Variants in CBX7 observed in about 807,000 individuals in gnomAD.
CBX7 encodes chromobox 7.
In CBX7, 14 loss-of-function variants were observed where a neutral mutation model predicts 31.4. The observed-to-expected ratio is 0.45, with a 90% CI of 0.29 to 0.70. CBX7 has a LOEUF of 0.70. Among genes scored for constraint, CBX7 ranks in the 30% least tolerant of loss-of-function variants. CBX7 has a pLI of 0.11. For synonymous variants in CBX7, 159 were observed against 152.6 expected (o/e 1.04, Z -0.31); for missense variants, 269 against 351.9 (o/e 0.76, Z 1.89).
chr22:39,134,716 C>G lies in CBX7; in HGVS notation c.283G>C (p.Ala95Pro), dbSNP rs1158617720. ...YSMDLRSSHK[A>P]KGKEKLCFSL... ...AAGCAGAGCTTCTCCTTGCCCTTGGCCTTGTGGGAGCTCCGCAGGTCCATG... is the reference window on the plus strand; with the variant it reads ...AAGCAGAGCTTCTCCTTGCCCTTGGGCTTGTGGGAGCTCCGCAGGTCCATG... Residue 95 changes from alanine (A) to proline (P), a missense_variant, in exon 5 of 6, where the codon GCC (alanine) becomes CCC (proline). Physicochemically the swap from Ala to Pro is conservative, Grantham distance 27. This residue lies in a region of CBX7 where 222 missense variants were observed against 240.4 expected (regional missense o/e 0.92). Coordinates refer to ENST00000216133, the MANE Select transcript of CBX7 (RefSeq NM_175709.5). 1.3e-6 allele frequency: 2 copies of G among 1,568,410 alleles called. No homozygotes were observed. Among genetic ancestry groups the G allele is most frequent in the Non-Finnish European group, 1.7e-6 (2 of 1,155,090 alleles).
chr22:39,134,833 C>A, intron 4 of CBX7, 81 bp from the exon 5 acceptor site: 1 of 905,714 alleles, frequency 1.1e-6, no homozygotes, highest in Non-Finnish European at 1.6e-6. Flanking sequence ...TCCTCCCACC[C>A]GGAATGCCCT....
chr22:39,139,120 T>G (rs1343963205), intron 3 of CBX7, among the ~76,000 whole-genome samples: 3 of 152,082 alleles, frequency 2.0e-5, no homozygotes, highest in Non-Finnish European at 4.4e-5. Flanking sequence ...TGGGAATGGC[T>G]AGTCCCTCTG....
At chr22:39,135,100 G>A (rs1457158685) in intron 4 of CBX7, 4 of 245,062 alleles carry the variant, frequency 1.6e-5, no homozygotes, top group Non-Finnish European at 2.4e-5. Context: ...TTCGTTTTAG[G>A]AAAGGCATCT....
intron 2 of CBX7, 143 bp downstream of exon 2, chr22:39,149,646 G>T: frequency 1.4e-6 from 1 of 731,934 alleles, no homozygotes. Flanking sequence ...GCCCAGAGAA[G>T]ATGATGATTA....
intron 1 of CBX7, among the ~76,000 whole-genome samples, chr22:39,151,397 A>T (rs963337325): frequency 2.0e-5 from 3 of 152,168 alleles, no homozygotes; most frequent in Admixed American, 1.3e-4. Context: ...GCTGCCAATC[A>T]GCCCAGTTGA....
intron 2 of CBX7, chr22:39,147,605 T>G (rs1442888588): frequency 6.7e-6 from 1 of 148,604 alleles, no homozygotes. Flanking sequence ...GCTCCCCTGC[T>G]TCTCCCCCAG....
chr22:39,145,125 C>T (rs1469502482), intron 2 of CBX7, among the ~76,000 whole-genome samples: 1 of 152,208 alleles, frequency 6.6e-6, no homozygotes, highest in African/African-American at 2.4e-5. Context: ...CCCCGAAAGG[C>T]TCGGCTGGAT....
At chr22:39,136,369 T>G (rs1287381091) in intron 4 of CBX7, 1 of 152,334 alleles carries the variant, frequency 6.6e-6, no homozygotes, top group Non-Finnish European at 1.5e-5. Flanking sequence ...CCACACCCAG[T>G]GCTGTGTTGT....
intron 4 of CBX7, chr22:39,136,215 A>C (rs1411360392): frequency 6.6e-6 from 1 of 152,090 alleles, no homozygotes; most frequent in East Asian, 1.9e-4. Flanking sequence ...GGGTGCCAAC[A>C]GTCAGGTCCT....
At chr22:39,145,541 C>T (rs1381333130) in intron 2 of CBX7, among the ~76,000 whole-genome samples, 2 of 152,180 alleles carry the variant, frequency 1.3e-5, no homozygotes, top group East Asian at 3.9e-4. Flanking sequence ...GTTGCCTGGG[C>T]TGCGCGGACC....
intron 2 of CBX7, 84 bp downstream of exon 2, chr22:39,149,705 G>T: frequency 8.7e-7 from 1 of 1,154,018 alleles, no homozygotes. Context: ...CTAAAAGCTA[G>T]GCAGGGGAGG....
intron 4 of CBX7, among the ~76,000 whole-genome samples, chr22:39,138,370 T>C (rs748752698): frequency 2.0e-5 from 3 of 152,158 alleles, no homozygotes; most frequent in Non-Finnish European, 4.4e-5. Context: ...TTGAGAATTC[T>C]AGGATTCCAC....
rs1299779480 is a variant in CBX7, at chr22:39,131,535, A to G, written c.*2356T>C. ...CCAGGGAGCTGGCTCACTACAGCCC[A>G]TGAGCCACCTGGCTGCCCTGAGCTG... On this transcript the variant is annotated 3_prime_UTR_variant, in exon 6 of 6. Coordinates refer to ENST00000216133, the MANE Select transcript of CBX7 (RefSeq NM_175709.5). The G allele has an allele frequency of 4.6e-5, 7 of 152,466 alleles. No individual in the cohort carries two copies. Among genetic ancestry groups the G allele is most frequent in the African/African-American group, 1.4e-4 (6 of 41,424 alleles). 9.4% of individuals were successfully genotyped at this position (152,466 alleles called of 1,614,324 possible). A position where few individuals can be genotyped will look rare whatever the true frequency, so the allele number is the denominator to read the frequency against.
chr22:39,141,311 C>A, intron 3 of CBX7, 60 bp downstream of exon 3: 1 of 1,481,432 alleles, frequency 6.8e-7, no homozygotes, highest in South Asian at 1.2e-5. Flanking sequence ...CAGCAGCAGG[C>A]TCCTGGGAAG....
chr22:39,133,024 A>G lies in CBX7; in HGVS notation c.*867T>C, dbSNP rs713841. 100,797 of 152,066 alleles carry G rather than the reference A, an allele frequency of 0.66. 34,087 individuals are homozygous for G. Among genetic ancestry groups the G allele is most frequent in the African/African-American group, 0.81 (33,594 of 41,490 alleles). The allele number at this position is 152,066 out of a possible 1,614,324, so 9.4% of individuals were successfully genotyped here. A position where few individuals can be genotyped will look rare whatever the true frequency, so the allele number is the denominator to read the frequency against. The stretch of plus-strand genomic sequence containing the variant: ...CACCTGTGCCAGACCCCTGCCCTCC[A>G]CTGAAAGCCGCAAGCAGGTAGCAAG... On this transcript the variant is annotated 3_prime_UTR_variant, in exon 6 of 6. Transcript: ENST00000216133.
Position 39,132,695 on chromosome 22 carries a change from G to C in CBX7, c.*1196C>G, listed in dbSNP as rs1321328222. 1 of 152,934 alleles carries C rather than the reference G, an allele frequency of 6.5e-6. No individual in the cohort carries two copies. The highest frequency in any genetic ancestry group is 6.5e-5 in the Admixed American group (1 of 15,280). 9.5% of individuals were successfully genotyped at this position (152,934 alleles called of 1,614,324 possible). On this transcript the variant is annotated 3_prime_UTR_variant, in exon 6 of 6. Coordinates refer to ENST00000216133, the MANE Select transcript of CBX7 (RefSeq NM_175709.5). ...GGGGAGGGGATGCAGAATGGAAGGA[G>C]GAAGGGGCTTAGGAGTCAAGGGCTG...
At chr22:39,140,569 G>A (rs1024268181) in intron 3 of CBX7, among the ~76,000 whole-genome samples, 1 of 152,158 alleles carries the variant, frequency 6.6e-6, no homozygotes, top group African/African-American at 2.4e-5. Flanking sequence ...CTTGCTCTGG[G>A]CTCCAGGTAA....
intron 2 of CBX7, 72 bp from the exon 3 acceptor site, chr22:39,141,508 G>C: frequency 7.5e-7 from 1 of 1,338,238 alleles, no homozygotes; most frequent in South Asian, 1.2e-5. Context: ...CAGCACTTTG[G>C]GAGGCCGAGG....
chr22:39,145,490 G>C (rs1383448016), intron 2 of CBX7, among the ~76,000 whole-genome samples: 1 of 152,180 alleles, frequency 6.6e-6, no homozygotes, highest in Admixed American at 6.5e-5. Flanking sequence ...CACACCAGGG[G>C]AGGGAGAGTG....
Sources: allele counts gnomAD v4.1 joint callset (sites outside exome capture counted in the v4.1 genomes callset), GRCh38; gene constraint gnomAD v4.1.1; regional missense constraint gnomAD v4.1.1; transcripts MANE v1.5; gene names NCBI Gene and HGNC (gene_info 2026-07-23, HGNC 2026-07-21).